The following FRMD5 variants were observed in gnomAD, a reference collection of about 807,000 sequenced individuals.
FRMD5 encodes FERM domain-containing protein 5.
A neutral mutation model predicts 69.0 loss-of-function variants in FRMD5; 20 were observed. The observed-to-expected ratio is 0.29, with a 90% confidence interval of 0.20 to 0.42. FRMD5 has a LOEUF of 0.42. Among genes scored for constraint, FRMD5 ranks in the 10% least tolerant of loss-of-function variants. FRMD5 has a pLI of 1.00. For synonymous variants in FRMD5, 271 were observed against 260.1 expected, an observed-to-expected ratio of 1.04 and a Z score of -0.40; for missense variants, 595 against 708.6, an observed-to-expected ratio of 0.84 and a Z score of 1.82.
At chr15:43,972,988 T>A (rs959577751) in intron 1 of FRMD5, among the ~76,000 whole-genome samples, 11 of 152,200 alleles carry the variant, frequency 7.2e-5, no homozygotes, top group African/African-American at 2.7e-4. Flanking sequence ...ATCATATGAC[T>A]TCTTTCTAGA....
chr15:43,998,326 G>C (rs897159176), intron 1 of FRMD5, among the ~76,000 whole-genome samples: 5 of 152,188 alleles, frequency 3.3e-5, no homozygotes, highest in African/African-American at 9.7e-5. Flanking sequence ...TATCCTGGAA[G>C]ACAAGTAAAG....
intron 1 of FRMD5, among the ~76,000 whole-genome samples, chr15:44,095,871 A>G (rs1366463864): frequency 6.6e-6 from 1 of 152,074 alleles, no homozygotes; most frequent in Non-Finnish European, 1.5e-5. Context: ...GCCCACTTCC[A>G]TCCTTAACAG....
At chr15:44,140,732 A>T (rs1014655744) in intron 1 of FRMD5, among the ~76,000 whole-genome samples, 13 of 151,680 alleles carry the variant, frequency 8.6e-5, no homozygotes, top group Non-Finnish European at 1.8e-4. Flanking sequence ...TACAAAAAAA[A>T]TTTAGCTGGG....
At chr15:44,036,917 T>A (rs1016187106) in intron 1 of FRMD5, among the ~76,000 whole-genome samples, 1 of 152,232 alleles carries the variant, frequency 6.6e-6, no homozygotes, top group African/African-American at 2.4e-5. Flanking sequence ...GAAATTCTTG[T>A]TGTTAAATCC....
chr15:44,151,003 A>G (rs912494212), intron 1 of FRMD5, among the ~76,000 whole-genome samples: 4 of 151,322 alleles, frequency 2.6e-5, no homozygotes, highest in African/African-American at 9.7e-5. Context: ...GAGGCAGGAG[A>G]ATTGCTTCAA....
At chr15:44,176,619 T>G (rs1401901803) in intron 1 of FRMD5, among the ~76,000 whole-genome samples, 1 of 152,154 alleles carries the variant, frequency 6.6e-6, no homozygotes, top group Admixed American at 6.5e-5. Flanking sequence ...AGAAAATACT[T>G]GTAAATCATC....
At chr15:44,103,443 C>G (rs2076670035) in intron 1 of FRMD5, among the ~76,000 whole-genome samples, 1 of 152,078 alleles carries the variant, frequency 6.6e-6, no homozygotes, top group Non-Finnish European at 1.5e-5. Flanking sequence ...TTTACCTTCC[C>G]TCACAACATG....
chr15:43,931,866 A>T lies in FRMD5; in HGVS notation c.103-7557T>A, dbSNP rs146192912. 3.9e-4 allele frequency among the ~76,000 whole-genome samples: 60 copies of T among 152,214 alleles called. No homozygotes were observed. The East Asian group carries it at 8.1e-3, about 21-fold the overall frequency. ...GTGCAGTTTCCTTTTCAACTCTCCT[A>T]TCAGGTTACTTATGTTCCTTAGAAG... On this transcript the variant is annotated intron_variant, in intron 1 of 13. Transcript: ENST00000417257.
intron 7 of FRMD5, among the ~76,000 whole-genome samples, chr15:43,895,252 G>A (rs1483124328): frequency 6.6e-6 from 1 of 152,238 alleles, no homozygotes; most frequent in Non-Finnish European, 1.5e-5. Context: ...GAAAAAAGGA[G>A]AAGTAATTCA....
At chr15:44,165,226 C>T (rs1028122737) in intron 1 of FRMD5, among the ~76,000 whole-genome samples, 1 of 152,138 alleles carries the variant, frequency 6.6e-6, no homozygotes, top group East Asian at 1.9e-4. Context: ...CGAGACCAGC[C>T]TGGCCAACAT....
rs180823379 is a variant in FRMD5 at position 44,143,742 on chromosome 15, G to A, written c.102+51211C>T. ...AGATTGAGACCATCCTGGCTAACGC[G>A]GTGAAACCCCGTCTCCACTAAAAAT... On this transcript the variant is annotated intron_variant, in intron 1 of 13. Transcript: ENST00000417257. 1.4e-4 allele frequency among the ~76,000 whole-genome samples: 21 copies of A among 151,212 alleles called. 1 individual carries two copies. The highest frequency in any genetic ancestry group is 1.1e-3 in the Admixed American group (17 of 15,084).
intron 1 of FRMD5, among the ~76,000 whole-genome samples, chr15:43,930,617 C>T (rs534538417): frequency 1.3e-5 from 2 of 152,356 alleles, no homozygotes; most frequent in South Asian, 4.1e-4. Flanking sequence ...TCCTTAAATA[C>T]AGCAACTTCT....
chr15:44,147,814 C>T (rs1466359094), intron 1 of FRMD5, among the ~76,000 whole-genome samples: 1 of 152,174 alleles, frequency 6.6e-6, no homozygotes, highest in Non-Finnish European at 1.5e-5. Flanking sequence ...CAGCTGTTAT[C>T]ACATTAGCAG....
At chr15:43,962,805 A>G (rs2140547175) in intron 1 of FRMD5, among the ~76,000 whole-genome samples, 1 of 152,364 alleles carries the variant, frequency 6.6e-6, no homozygotes, top group Middle Eastern at 3.4e-3. Flanking sequence ...AGCAATGGGG[A>G]AAGGATTCCC....
rs1389186115 is a variant in FRMD5, at chr15:43,883,689, A to C, written c.1135+14T>G. The C allele has an allele frequency of 8.8e-6, 14 of 1,589,758 alleles. No homozygotes were observed. Among genetic ancestry groups the C allele is most frequent in the Non-Finnish European group, 1.1e-5 (13 of 1,165,428 alleles). ...GGAGGACCCCAGTGGTCACCTCAAG[A>C]AGCTCATGCTCACCTTCCATGATGG... On this transcript the variant is annotated intron_variant, in intron 13 of 13. Coordinates refer to ENST00000417257, the MANE Select transcript of FRMD5 (RefSeq NM_032892.5).
chr15:44,080,419 C>T (rs1442399443), intron 1 of FRMD5, among the ~76,000 whole-genome samples: 1 of 152,054 alleles, frequency 6.6e-6, no homozygotes, highest in East Asian at 1.9e-4. Context: ...TGAGAAAACA[C>T]TCCATTTTTG....
intron 1 of FRMD5, among the ~76,000 whole-genome samples, chr15:44,051,003 C>T (rs1892638633): frequency 6.6e-6 from 1 of 151,732 alleles, no homozygotes; most frequent in African/African-American, 2.4e-5. Flanking sequence ...TAAATCTACC[C>T]CAAATGGGCA....
chr15:43,885,851 ACTTCAGG>A, intron 10 of FRMD5, 96 bp from the exon 11 acceptor site: 4 of 966,906 alleles, frequency 4.1e-6, no homozygotes, highest in Admixed American at 3.5e-5. Context: ...GCTACTTGAA[ACTTCAGG>A]AAAAAAGCCC....
chr15:43,945,043 T>G (rs770018898), intron 1 of FRMD5, among the ~76,000 whole-genome samples: 1 of 151,982 alleles, frequency 6.6e-6, no homozygotes, highest in African/African-American at 2.4e-5. Flanking sequence ...CACCTTAGCC[T>G]TCCAAAGTGC....
Sources: gnomAD v4.1 joint callset for allele counts (sites outside exome capture counted in the v4.1 genomes callset) on GRCh38, gnomAD v4.1.1 for gene constraint, MANE v1.5 for transcripts, NCBI Gene and HGNC (gene_info 2026-07-23, HGNC 2026-07-21) for gene names.